TMOD3: variants seen among roughly 807,000 people sequenced by gnomAD.
The protein encoded by TMOD3 is tropomodulin-3.
Under a neutral mutation model 39.2 loss-of-function variants are expected in TMOD3, and 20 were observed. That is an observed-to-expected ratio of 0.51 (90% CI 0.36 to 0.74). The LOEUF is 0.74. TMOD3 is among the 30% of genes least tolerant of loss of function. TMOD3 has a pLI of 0.00. For synonymous variants in TMOD3, 143 were observed against 145.8 expected, an observed-to-expected ratio of 0.98 and a Z score of 0.14; for missense variants, 381 against 412.8, an observed-to-expected ratio of 0.92 and a Z score of 0.67.
At chr15:51,886,712 G>GGAGAGA (rs1342476583) in intron 3 of TMOD3, among the ~76,000 whole-genome samples, 2 of 151,642 alleles carry the variant, frequency 1.3e-5, no homozygotes, top group African/African-American at 4.9e-5. Flanking sequence ...GGGAGACCGT[G>GGAGAGA]GAGAGAGGGA....
At chr15:51,830,802 G>C (rs34581125) in intron 1 of TMOD3, among the ~76,000 whole-genome samples, 107 of 152,004 alleles carry the variant, frequency 7.0e-4, no homozygotes, top group Non-Finnish European at 1.2e-3. Context: ...AAATATATTA[G>C]GCTTGGAAAA....
intron 9 of TMOD3, among the ~76,000 whole-genome samples, chr15:51,905,901 G>A (rs565323685): frequency 3.3e-5 from 4 of 119,456 alleles, no homozygotes; most frequent in Non-Finnish European, 4.7e-5. Context: ...CCGAGATTGC[G>A]CCACTGCAGT....
At chr15:51,850,839 C>T (rs1024931957) in intron 1 of TMOD3, among the ~76,000 whole-genome samples, 3 of 152,208 alleles carry the variant, frequency 2.0e-5, no homozygotes, top group East Asian at 1.9e-4. Flanking sequence ...TGGGTTCAAG[C>T]GATTCTCCTG....
chr15:51,865,192 A>T (rs2056439281), intron 2 of TMOD3, among the ~76,000 whole-genome samples: 1 of 152,086 alleles, frequency 6.6e-6, no homozygotes, highest in African/African-American at 2.4e-5. Flanking sequence ...GGGTCTCGTT[A>T]TGTTACCCAG....
At chr15:51,891,564 A>G (rs1164914623) in intron 5 of TMOD3, among the ~76,000 whole-genome samples, 1 of 152,142 alleles carries the variant, frequency 6.6e-6, no homozygotes, top group Non-Finnish European at 1.5e-5. Context: ...TAAGTTTCCC[A>G]TGAACCTTTT....
rs2056703124 is a variant in TMOD3, at chr15:51,910,229, G to A, written c.*1419G>A. ...TCATTTACAGAGATTTTTCTGGAGGGAAAAGTCTCATTTCTGAGGAAGGCA... is the reference window on the plus strand; with the variant it reads ...TCATTTACAGAGATTTTTCTGGAGGAAAAAGTCTCATTTCTGAGGAAGGCA... On this transcript the variant is annotated 3_prime_UTR_variant, in exon 10 of 10. Coordinates refer to ENST00000308580, the MANE Select transcript of TMOD3 (RefSeq NM_014547.5). 6.6e-6 allele frequency: 1 copy of A among 152,202 alleles called. No homozygotes were observed. Among genetic ancestry groups the A allele is most frequent in the African/African-American group, 2.4e-5 (1 of 41,444 alleles). 9.4% of individuals were successfully genotyped at this position (152,202 alleles called of 1,614,324 possible).
rs534474466 is a variant in TMOD3, at chr15:51,836,453, A to T, written c.-75+6617A>T. Among the ~76,000 whole-genome samples the T allele has an allele frequency of 3.9e-5, 6 of 152,288 alleles. No individual in the cohort carries two copies. The East Asian group carries it at 1.2e-3, about 29-fold the overall frequency. Reference sequence around the variant, plus strand: ...TTTCACCCTTATACTACTCTTAAGAATTCGTTTTCACGCCTATAATCCCAG... The same window carrying T: ...TTTCACCCTTATACTACTCTTAAGATTTCGTTTTCACGCCTATAATCCCAG... On this transcript the variant is annotated intron_variant, in intron 1 of 9. Coordinates refer to ENST00000308580, the MANE Select transcript of TMOD3 (RefSeq NM_014547.5).
intron 9 of TMOD3, 42 bp from the exon 10 acceptor site, chr15:51,908,734 T>G (rs772756242): frequency 2.6e-6 from 4 of 1,546,418 alleles, no homozygotes; most frequent in Middle Eastern, 1.7e-4. Flanking sequence ...TTGTAAAAAC[T>G]AATAGGGATT....
intron 3 of TMOD3, among the ~76,000 whole-genome samples, chr15:51,873,191 C>T (rs1176394873): frequency 6.6e-6 from 1 of 152,216 alleles, no homozygotes; most frequent in Non-Finnish European, 1.5e-5. Flanking sequence ...AGAAGGTCCT[C>T]AGAGTAATTC....
intron 2 of TMOD3, among the ~76,000 whole-genome samples, chr15:51,868,698 G>A (rs775405043): frequency 3.3e-5 from 5 of 152,164 alleles, no homozygotes; most frequent in South Asian, 2.1e-4. Flanking sequence ...TATGCTGGGC[G>A]CGGTGGCTCA....
chr15:51,847,621 C>A (rs979253639), intron 1 of TMOD3, among the ~76,000 whole-genome samples: 1 of 152,094 alleles, frequency 6.6e-6, no homozygotes, highest in Non-Finnish European at 1.5e-5. Context: ...CAGTATATTT[C>A]CTTTAAAAAA....
At chr15:51,866,712 A>G (rs930672884) in intron 2 of TMOD3, among the ~76,000 whole-genome samples, 9 of 152,176 alleles carry the variant, frequency 5.9e-5, no homozygotes, top group Admixed American at 1.3e-4. Flanking sequence ...CTTAATGAGA[A>G]TCTTTCTTTA....
intron 2 of TMOD3, among the ~76,000 whole-genome samples, chr15:51,868,270 T>TTCTCTGTA: frequency 6.6e-6 from 1 of 152,180 alleles, no homozygotes; most frequent in African/African-American, 2.4e-5. Flanking sequence ...TACATATATA[T>TTCTCTGTA]ACACTGAGCA....
At chr15:51,888,544 C>G (rs1442987310) in intron 4 of TMOD3, among the ~76,000 whole-genome samples, 1 of 152,174 alleles carries the variant, frequency 6.6e-6, no homozygotes, top group Non-Finnish European at 1.5e-5. Flanking sequence ...TATTTTTCCT[C>G]CTAAGTGTCA....
intron 3 of TMOD3, among the ~76,000 whole-genome samples, chr15:51,886,286 A>G (rs991352890): frequency 8.5e-5 from 13 of 152,200 alleles, no homozygotes; most frequent in Non-Finnish European, 1.8e-4. Flanking sequence ...AGAGGCTGCA[A>G]TCTGGGCACT....
chr15:51,900,403 G>T (rs2056644270), intron 8 of TMOD3, 105 bp downstream of exon 8: 3 of 1,299,278 alleles, frequency 2.3e-6, no homozygotes, highest in African/African-American at 3.0e-5. Context: ...AGGGATCCCT[G>T]TTGGAAGATG....
intron 1 of TMOD3, among the ~76,000 whole-genome samples, chr15:51,846,328 C>A (rs551434688): frequency 7.9e-5 from 12 of 152,026 alleles, no homozygotes; most frequent in African/African-American, 2.9e-4. Flanking sequence ...CAAAACAAAA[C>A]AAAACAAAAC....
chr15:51,869,553 A>G (rs550411954), intron 3 of TMOD3, among the ~76,000 whole-genome samples, 180 bp downstream of exon 3: 1 of 152,336 alleles, frequency 6.6e-6, no homozygotes, highest in Admixed American at 6.5e-5. Context: ...AACTTGGTCA[A>G]TAAGTTTCTT....
rs576960964 is a variant in TMOD3 at position 51,868,226 on chromosome 15, A to G, written c.127-991A>G. Among the ~76,000 whole-genome samples the G allele has an allele frequency of 4.2e-3, 645 of 152,350 alleles. 7 individuals are homozygous for G. Among genetic ancestry groups the G allele is most frequent in the African/African-American group, 0.015 (611 of 41,570 alleles). Reference sequence around the variant, plus strand: ...ATGAAGGAATATAATGTACAGAGTCATTTAAAACTCTTTTGTAATAGAATT... The same window carrying G: ...ATGAAGGAATATAATGTACAGAGTCGTTTAAAACTCTTTTGTAATAGAATT... On this transcript the variant is annotated intron_variant, in intron 2 of 9. Transcript: ENST00000308580.
Sources: gnomAD v4.1 joint callset for allele counts (sites outside exome capture counted in the v4.1 genomes callset) on GRCh38, gnomAD v4.1.1 for gene constraint, MANE v1.5 for transcripts, NCBI Gene and HGNC (gene_info 2026-07-23, HGNC 2026-07-21) for gene names.